ERBB2: variants seen among roughly 807,000 people sequenced by gnomAD.
The protein encoded by ERBB2 is erb-b2 receptor tyrosine kinase 2, also known as receptor tyrosine-protein kinase erbB-2.
Under a neutral mutation model 149.0 loss-of-function variants are expected in ERBB2, and 61 were observed. The observed-to-expected ratio is 0.41, with a 90% CI of 0.33 to 0.51. The LOEUF (loss-of-function observed/expected upper bound fraction) is 0.51. Ranked by LOEUF, ERBB2 falls within the 20% of genes least tolerant of loss-of-function variation. The pLI, the probability that ERBB2 is intolerant of heterozygous loss-of-function variation, is 0.25. For synonymous variants in ERBB2, 633 were observed against 678.8 expected (o/e 0.93, Z 1.05); for missense variants, 1,205 against 1,655.1 (o/e 0.73, Z 4.72).
In ERBB2 at chr17:39,723,665, G is replaced by A. The variant is rs2145817122; in HGVS notation, c.2208+5G>A. The A allele has an allele frequency of 6.2e-7, 1 of 1,600,152 alleles. No homozygotes were observed. Among genetic ancestry groups the A allele is most frequent in the Non-Finnish European group, 8.5e-7 (1 of 1,173,504 alleles). ...GCTTTTGGCACAGTCTACAAGGTCA[G>A]GGCCAGGTCCTGGGGTGGGCGGCCC... On this transcript the variant is annotated splice_donor_5th_base_variant and intron_variant, in intron 18 of 26. Transcript: ENST00000269571. The surrounding 1 kb of genome is among the most constrained non-coding windows in gnomAD (Gnocchi z 6.2).
Position 39,724,018 on chromosome 17 carries a change from C to T in ERBB2, c.2307+8C>T. On this transcript the variant is annotated splice_region_variant and intron_variant, in intron 19 of 26. Coordinates refer to ENST00000269571, the MANE Select transcript of ERBB2 (RefSeq NM_004448.4). ...AACAAAGAAATCTTAGACGTAAGCCCCTCCACCCTCTCCTGCTAGGAGGAC... is the reference window on the plus strand; with the variant it reads ...AACAAAGAAATCTTAGACGTAAGCCTCTCCACCCTCTCCTGCTAGGAGGAC... 1 of 1,602,878 alleles carries T rather than the reference C, an allele frequency of 6.2e-7. No homozygotes were observed. The highest frequency in any genetic ancestry group is 1.7e-4 in the Middle Eastern group (1 of 5,896).
intron 15 of ERBB2, among the ~76,000 whole-genome samples, chr17:39,719,363 A>C (rs1359950322): frequency 6.6e-6 from 1 of 152,250 alleles, no homozygotes; most frequent in African/African-American, 2.4e-5. Context: ...AGATTCTGCT[A>C]AGTGAAAAAA....
intron 1 of ERBB2, among the ~76,000 whole-genome samples, chr17:39,702,201 G>T (rs987834146): frequency 6.6e-6 from 1 of 152,246 alleles, no homozygotes; most frequent in African/African-American, 2.4e-5. Flanking sequence ...TCCGGAGGCT[G>T]AGGCAGGAGG....
chr17:39,699,382 A>G (rs2057959581), upstream of ERBB2, among the ~76,000 whole-genome samples: 1 of 152,056 alleles, frequency 6.6e-6, no homozygotes, highest in South Asian at 2.1e-4. Flanking sequence ...AATCACTTGA[A>G]CCAGGGAGGC....
rs2059552932 is a variant in ERBB2 at position 39,723,342 on chromosome 17, C to A, written c.1970C>A (p.Ala657Glu). 2 of 1,613,902 alleles carry A rather than the reference C, an allele frequency of 1.2e-6. No individual in the cohort carries two copies. Among genetic ancestry groups the A allele is most frequent in the Admixed American group, 1.7e-5 (1 of 60,000 alleles). ...AGCCCTCTGACGTCCATCATCTCTG[C>A]GGTGGTTGGCATTCTGCTGGTCGTG... The part of the protein sequence containing the change: ...RASPLTSIIS[A>E]VVGILLVVVL... Residue 657 changes from alanine to glutamate, a missense_variant, in exon 17 of 27, where the codon GCG becomes GAG. By Grantham distance (107) the Ala-to-Glu change is moderately radical. Coordinates refer to ENST00000269571, the MANE Select transcript of ERBB2 (RefSeq NM_004448.4). The surrounding 1 kb of genome is among the most constrained non-coding windows in gnomAD (Gnocchi z 6.2).
chr17:39,700,164 T>C lies in ERBB2; in HGVS notation c.-75T>C. ...GCGCCGCGCGCCCGGCCCCCACCCC[T>C]CGCAGCACCCCGCGCCCCGCGCCCT... On this transcript the variant is annotated 5_prime_UTR_variant, in exon 1 of 27. Transcript: ENST00000269571. 7.5e-7 allele frequency: 1 copy of C among 1,333,760 alleles called. No homozygotes were observed. The highest frequency in any genetic ancestry group is 9.5e-7 in the Non-Finnish European group (1 of 1,049,946). The allele number at this position is 1,333,760 out of a possible 1,614,324, so 82.6% of individuals were successfully genotyped here.
intron 14 of ERBB2, 131 bp downstream of exon 14, chr17:39,716,736 A>C: frequency 1.3e-6 from 1 of 789,924 alleles, no homozygotes; most frequent in Non-Finnish European, 2.1e-6. Context: ...CTCAGCGCTC[A>C]GACCTGAACA....
At chr17:39,699,608 T>C (rs1358164680), upstream of ERBB2, 2 of 1,319,436 alleles carry the variant, frequency 1.5e-6, no homozygotes, top group East Asian at 5.0e-5. Context: ...CACATCCCCC[T>C]CCTTGACTAT....
At chr17:39,699,930 A>C (rs1029068293), upstream of ERBB2, 1 of 1,050,952 alleles carries the variant, frequency 9.5e-7, no homozygotes, top group Non-Finnish European at 1.2e-6. Context: ...GGGAGTTGCC[A>C]CTCCCAGACT....
rs1442037966 is a variant in ERBB2, at chr17:39,728,010, A to T, written c.3734A>T (p.Asn1245Ile). The T allele has an allele frequency of 6.2e-7, 1 of 1,607,906 alleles. No homozygotes were observed. Among genetic ancestry groups the T allele is most frequent in the East Asian group, 2.2e-5 (1 of 44,836 alleles). Residue 1245 changes from asparagine (N) to isoleucine (I), a missense_variant, in exon 27 of 27, where the codon AAC becomes ATC. Coordinates refer to ENST00000269571, the MANE Select transcript of ERBB2 (RefSeq NM_004448.4). ...TTCAAAGGGACACCTACGGCAGAGAACCCAGAGTACCTGGGTCTGGACGTG... is the reference window on the plus strand; with the variant it reads ...TTCAAAGGGACACCTACGGCAGAGATCCCAGAGTACCTGGGTCTGGACGTG... Reference protein sequence around the residue: ...STFKGTPTAENPEYLGLDVPV With the variant: ...STFKGTPTAEIPEYLGLDVPV
rs767216520 is a variant in ERBB2, at chr17:39,717,354, A to G, written c.1772A>G (p.Lys591Arg). 1.9e-6 allele frequency: 3 copies of G among 1,612,548 alleles called. No homozygotes were observed. The highest frequency in any genetic ancestry group is 2.5e-6 in the Non-Finnish European group (3 of 1,179,962). Residue 591 changes from lysine (K) to arginine (R), a missense_variant, in exon 15 of 27, where the codon AAG becomes AGG. Transcript: ENST00000269571. Reference protein sequence around the residue: ...ADQCVACAHYKDPPFCVARCP... With the variant: ...ADQCVACAHYRDPPFCVARCP... Reference sequence around the variant, plus strand: ...CAGTGTGTGGCCTGTGCCCACTATAAGGACCCTCCCTTCTGCGTGGCCCGC... The same window carrying G: ...CAGTGTGTGGCCTGTGCCCACTATAGGGACCCTCCCTTCTGCGTGGCCCGC...
At position 39,727,630 on chromosome 17, in the gene ERBB2, G is replaced by A. The variant is rs903948508; in HGVS notation, c.3413-59G>A. On this transcript the variant is annotated intron_variant, in intron 26 of 26. Coordinates refer to ENST00000269571, the MANE Select transcript of ERBB2 (RefSeq NM_004448.4). This position sits in a 1 kb window ranked among gnomAD's most constrained non-coding sequence, Gnocchi z 4.3. ...CCAGGGTCCACTGTGGGGGCAGAGG[G>A]AGTGGCAGAGACACCGGGGTTCCTT... The A allele has an allele frequency of 1.3e-6, 2 of 1,556,138 alleles. No individual in the cohort carries two copies. Among genetic ancestry groups the A allele is most frequent in the Non-Finnish European group, 1.7e-6 (2 of 1,153,952 alleles).
Position 39,727,965 on chromosome 17 carries a change from G to T in ERBB2, c.3689G>T (p.Arg1230Leu), listed in dbSNP as rs372043866. ...LYYWDQDPPERGAPPSTFKGT... is the reference protein window; with the variant it reads ...LYYWDQDPPELGAPPSTFKGT... ...TACTGGGACCAGGACCCACCAGAGC[G>T]GGGGGCTCCACCCAGCACCTTCAAA... Residue 1230 changes from arginine (R) to leucine (L), a missense_variant, in exon 27 of 27, where the codon CGG (arginine) becomes CTG (leucine). Physicochemically the swap from Arg to Leu is moderately radical, Grantham distance 102. Transcript: ENST00000269571. The surrounding 1 kb of genome is among the most constrained non-coding windows in gnomAD (Gnocchi z 4.3). The T allele has an allele frequency of 2.5e-6, 4 of 1,613,582 alleles. No individual in the cohort carries two copies. In the Admixed American group the frequency reaches 6.7e-5, roughly 27 times the overall value.
chr17:39,709,894 G>A lies in ERBB2; in HGVS notation c.643+13G>A, dbSNP rs780768221. The A allele has an allele frequency of 1.2e-6, 2 of 1,612,938 alleles. No homozygotes were observed. The highest frequency in any genetic ancestry group is 1.1e-5 in the South Asian group (1 of 91,072). On this transcript the variant is annotated intron_variant, in intron 5 of 26. Transcript: ENST00000269571. ...GATTGTCAGAGCCGTGAGTCTCAGG[G>A]AGGCCTGGAGTCAGGGAAGGGGAGG... is the stretch of plus-strand genomic sequence containing the variant.
In ERBB2 at chr17:39,700,221, G is replaced by A. The variant is rs912375238; in HGVS notation, c.-18G>A. The A allele has an allele frequency of 2.1e-6, 3 of 1,436,796 alleles. No homozygotes were observed. In the African/African-American group the frequency reaches 4.4e-5, roughly 21 times the overall value. 89.0% of individuals were successfully genotyped at this position (1,436,796 alleles called of 1,614,324 possible). ...CGGGTCCAGCCGGAGCCATGGGGCCGGAGCCGCAGTGAGCACCATGGAGCT... is the reference window on the plus strand; with the variant it reads ...CGGGTCCAGCCGGAGCCATGGGGCCAGAGCCGCAGTGAGCACCATGGAGCT... On this transcript the variant is annotated 5_prime_UTR_variant, in exon 1 of 27. Transcript: ENST00000269571.
At chr17:39,715,622 C>T in intron 11 of ERBB2, 86 bp downstream of exon 11, 1 of 1,543,084 alleles carries the variant, frequency 6.5e-7, no homozygotes, top group Non-Finnish European at 9.0e-7. Context: ...GGGAGTACTC[C>T]TGTAGCAGTA....
At chr17:39,698,832 G>C (rs1597848710), upstream of ERBB2, among the ~76,000 whole-genome samples, 1 of 152,018 alleles carries the variant, frequency 6.6e-6, no homozygotes, top group African/African-American at 2.4e-5. Flanking sequence ...TCTTGGCTGG[G>C]GCATTCCAAC....
chr17:39,692,227 C>G (rs1400778880), upstream of ERBB2, among the ~76,000 whole-genome samples: 1 of 151,800 alleles, frequency 6.6e-6, no homozygotes, highest in Non-Finnish European at 1.5e-5. Flanking sequence ...GTATGTACAC[C>G]TATACACTTA....
At position 39,719,841 on chromosome 17, in the gene ERBB2, C is replaced by T. The variant is rs1567908964; in HGVS notation, c.1946+7C>T. The T allele has an allele frequency of 6.2e-7, 1 of 1,614,076 alleles. No individual in the cohort carries two copies. Among genetic ancestry groups the T allele is most frequent in the Non-Finnish European group, 8.5e-7 (1 of 1,179,918 alleles). The stretch of plus-strand genomic sequence containing the variant: ...CCGCCGAGCAGAGAGCCAGGTTGGC[C>T]TGGACCCCAGGATGTACCCTTCATT... On this transcript the variant is annotated splice_region_variant and intron_variant, in intron 16 of 26. Coordinates refer to ENST00000269571, the MANE Select transcript of ERBB2 (RefSeq NM_004448.4).
Sources: gnomAD v4.1 joint callset for allele counts (sites outside exome capture counted in the v4.1 genomes callset) on GRCh38, gnomAD v4.1.1 for gene constraint, Gnocchi (gnomAD v3.1) non-coding constraint, MANE v1.5 for transcripts, NCBI Gene and HGNC (gene_info 2026-07-23, HGNC 2026-07-21) for gene names.